Variants in NECAB1 observed in about 807,000 individuals in gnomAD.
NECAB1 encodes N-terminal EF-hand calcium binding protein 1.
In NECAB1, 29 loss-of-function variants were observed where a neutral mutation model predicts 57.5. That is an observed-to-expected ratio of 0.50 (90% CI 0.38 to 0.69). The LOEUF (loss-of-function observed/expected upper bound fraction) is 0.69. Among genes scored for constraint, NECAB1 ranks in the 30% least tolerant of loss-of-function variants. NECAB1 has a pLI of 0.00. For missense variants in NECAB1, 372 were observed against 413.8 expected (o/e 0.90, Z 0.88); for synonymous variants, 142 against 147.7 (o/e 0.96, Z 0.28).
intron 2 of NECAB1, among the ~76,000 whole-genome samples, chr8:90,803,143 C>T (rs1431763895): frequency 6.6e-6 from 1 of 152,176 alleles, no homozygotes; most frequent in African/African-American, 2.4e-5. Context: ...GTGATCCACC[C>T]TCTTCGGCCT....
At chr8:90,943,902 C>A (rs1586147536) in intron 10 of NECAB1, among the ~76,000 whole-genome samples, 2 of 152,136 alleles carry the variant, frequency 1.3e-5, no homozygotes, top group African/African-American at 4.8e-5. Flanking sequence ...CAGGCACATG[C>A]CACCATATCT....
chr8:90,854,062 C>A (rs1383769391), intron 3 of NECAB1, among the ~76,000 whole-genome samples: 1 of 152,138 alleles, frequency 6.6e-6, no homozygotes, highest in African/African-American at 2.4e-5. Flanking sequence ...TTGATACTAT[C>A]TGGGAGGCCT....
At chr8:90,841,106 A>AC (rs1486049856) in intron 3 of NECAB1, among the ~76,000 whole-genome samples, 2 of 151,500 alleles carry the variant, frequency 1.3e-5, no homozygotes, top group Non-Finnish European at 2.9e-5. Flanking sequence ...AATACAAAAA[A>AC]AAAATTAGCC....
At chr8:90,930,492 A>G (rs888741983) in intron 8 of NECAB1, among the ~76,000 whole-genome samples, 2 of 152,178 alleles carry the variant, frequency 1.3e-5, no homozygotes, top group African/African-American at 4.8e-5. Flanking sequence ...GTTAGATGTT[A>G]GAAGGAGAGA....
At chr8:90,927,204 C>CTCT (rs10630870) in intron 7 of NECAB1, among the ~76,000 whole-genome samples, 18 of 131,130 alleles carry the variant, frequency 1.4e-4, no homozygotes, top group East Asian at 4.5e-4. Context: ...TTTTCTCTCT[C>CTCT]TTTTTTTTTT....
chr8:90,805,200 C>T (rs752378586), intron 2 of NECAB1, among the ~76,000 whole-genome samples: 4 of 152,154 alleles, frequency 2.6e-5, no homozygotes, highest in Admixed American at 6.5e-5. Context: ...AGTAAGCATC[C>T]TTCTGTACCA....
chr8:90,954,823 A>G (rs1810990242), intron 12 of NECAB1, among the ~76,000 whole-genome samples: 1 of 148,768 alleles, frequency 6.7e-6, no homozygotes, highest in Non-Finnish European at 1.5e-5. Context: ...TGTATATTAT[A>G]TATTATACAT....
At chr8:90,878,906 C>CCT (rs60624653) in intron 4 of NECAB1, among the ~76,000 whole-genome samples, 4,114 of 147,046 alleles carry the variant, frequency 0.028, 186 homozygotes, top group African/African-American at 0.097. Flanking sequence ...AGAGGCTTTA[C>CCT]CTCTCTCTCT....
At chr8:90,924,288 A>G (rs1810204629) in intron 6 of NECAB1, among the ~76,000 whole-genome samples, 2 of 152,202 alleles carry the variant, frequency 1.3e-5, no homozygotes, top group South Asian at 4.1e-4. Flanking sequence ...CAAGAATTTT[A>G]CCTTTCATTA....
intron 5 of NECAB1, 139 bp from the exon 6 acceptor site, chr8:90,917,353 G>C (rs1194697365): frequency 7.8e-6 from 5 of 638,118 alleles, no homozygotes; most frequent in Non-Finnish European, 1.2e-5. Flanking sequence ...TCCAGGGCTC[G>C]ACAGATCTTT....
At chr8:90,937,909 A>C (rs1182455342) in intron 9 of NECAB1, among the ~76,000 whole-genome samples, 1 of 152,164 alleles carries the variant, frequency 6.6e-6, no homozygotes. Context: ...GCTATTCTCA[A>C]GTAATGTAAC....
chr8:90,953,066 T>C (rs1810952777), intron 12 of NECAB1, among the ~76,000 whole-genome samples: 1 of 152,180 alleles, frequency 6.6e-6, no homozygotes, highest in Non-Finnish European at 1.5e-5. Context: ...ACACTTGTAA[T>C]TTTTGTGTCT....
At chr8:90,841,110 A>T (rs2129744308) in intron 3 of NECAB1, among the ~76,000 whole-genome samples, 1 of 151,520 alleles carries the variant, frequency 6.6e-6, no homozygotes, top group African/African-American at 2.4e-5. Context: ...CAAAAAAAAA[A>T]TTAGCCGGGC....
At chr8:90,953,356 T>A (rs1397807193) in intron 12 of NECAB1, among the ~76,000 whole-genome samples, 1 of 152,238 alleles carries the variant, frequency 6.6e-6, no homozygotes, top group Non-Finnish European at 1.5e-5. Flanking sequence ...CATATATTAC[T>A]CTTTCTCTCT....
Position 90,958,928 on chromosome 8 carries a change from C to T in NECAB1, c.*3416C>T, listed in dbSNP as rs1191437355. 3.8e-6 allele frequency: 3 copies of T among 791,306 alleles called. No homozygotes were observed. In the Admixed American group the frequency reaches 1.0e-4, roughly 26 times the overall value. The allele number at this position is 791,306 out of a possible 1,614,324, so 49.0% of individuals were successfully genotyped here. A position where few individuals can be genotyped will look rare whatever the true frequency, so the allele number is the denominator to read the frequency against. Reference sequence around the variant, plus strand: ...CAAAATTAAGAATAAATTGAATTGTCACAGTCCATTACAGTTATTGTTGCT... The same window carrying T: ...CAAAATTAAGAATAAATTGAATTGTTACAGTCCATTACAGTTATTGTTGCT... On this transcript the variant is annotated 3_prime_UTR_variant, in exon 13 of 13. Coordinates refer to ENST00000417640, the MANE Select transcript of NECAB1 (RefSeq NM_022351.5).
chr8:90,906,801 A>G (rs1382000323), intron 5 of NECAB1, among the ~76,000 whole-genome samples: 1 of 149,038 alleles, frequency 6.7e-6, no homozygotes, highest in Non-Finnish European at 1.5e-5. Flanking sequence ...CTGTATAGTC[A>G]TCTAGAAACC....
At chr8:90,920,922 G>A (rs1409276229) in intron 6 of NECAB1, among the ~76,000 whole-genome samples, 1 of 152,166 alleles carries the variant, frequency 6.6e-6, no homozygotes, top group Non-Finnish European at 1.5e-5. Flanking sequence ...AGTTGGTGAG[G>A]ACCCAGAACA....
At chr8:90,835,002 A>T (rs199688873) in intron 3 of NECAB1, among the ~76,000 whole-genome samples, 45,217 of 143,944 alleles carry the variant, frequency 0.31, 7,800 homozygotes, top group East Asian at 0.72. Context: ...TTTTTTTTTA[A>T]AAAAGAGCCC....
At chr8:90,819,365 T>C (rs1812107159) in intron 2 of NECAB1, among the ~76,000 whole-genome samples, 1 of 151,984 alleles carries the variant, frequency 6.6e-6, no homozygotes, top group Non-Finnish European at 1.5e-5. Flanking sequence ...TTTGTGAATT[T>C]TTGTGTGTGT....
Sources: allele counts gnomAD v4.1 joint callset (sites outside exome capture counted in the v4.1 genomes callset), GRCh38; gene constraint gnomAD v4.1.1; transcripts MANE v1.5; gene names NCBI Gene and HGNC (gene_info 2026-07-23, HGNC 2026-07-21).